The following NECTIN4 variants were observed in gnomAD, a reference collection of about 807,000 sequenced individuals.
NECTIN4 encodes the protein nectin cell adhesion molecule 4.
In NECTIN4, 19 loss-of-function variants were observed where a neutral mutation model predicts 51.7. The observed-to-expected ratio is 0.37, with a 90% CI of 0.26 to 0.54. NECTIN4 has a LOEUF of 0.54. NECTIN4 is among the 20% of genes least tolerant of loss of function. The pLI, the probability that NECTIN4 is intolerant of heterozygous loss-of-function variation, is 0.86. For missense variants in NECTIN4, 619 were observed against 662.4 expected (o/e 0.93, Z 0.72); for synonymous variants, 283 against 286.9 (o/e 0.99, Z 0.14).
At chr1:161,076,299 C>T in intron 4 of NECTIN4, 56 bp downstream of exon 4, 1 of 1,609,086 alleles carries the variant, frequency 6.2e-7, no homozygotes, top group Non-Finnish European at 8.5e-7. Flanking sequence ...TATCCTGGCC[C>T]TGAGAGGGGA....
chr1:161,084,184 T>C (rs1653822567), intron 1 of NECTIN4, among the ~76,000 whole-genome samples: 1 of 152,062 alleles, frequency 6.6e-6, no homozygotes, highest in African/African-American at 2.4e-5. Flanking sequence ...AACTGGTGGG[T>C]GTTTGGCACA....
At position 161,079,887 on chromosome 1, in the gene NECTIN4, C is replaced by T. The variant is rs746458699; in HGVS notation, c.142G>A (p.Ala48Thr). ...DVVTVVLGQD[A>T]KLPCFYRGDS... Reference sequence around the variant, plus strand: ...CCTCGGTAGAAGCAGGGCAGTTTTGCGTCCTGGCCCAGCACCACAGTTACC... The same window carrying T: ...CCTCGGTAGAAGCAGGGCAGTTTTGTGTCCTGGCCCAGCACCACAGTTACC... The change falls in exon 2 of 9, where the codon GCA (alanine) becomes ACA (threonine). Residue 48 changes from alanine (A) to threonine (T), a missense_variant. By Grantham distance (58) the Ala-to-Thr change is moderately conservative (BLOSUM62 0). Around this residue, in one of 3 missense-constraint regions of NECTIN4, gnomAD observed 218 missense variants for 186.3 expected, o/e 1.17. Coordinates refer to ENST00000368012, the MANE Select transcript of NECTIN4 (RefSeq NM_030916.3). The T allele has an allele frequency of 2.5e-6, 4 of 1,613,600 alleles. No homozygotes were observed. The highest frequency in any genetic ancestry group is 3.4e-6 in the Non-Finnish European group (4 of 1,179,798).
chr1:161,080,123 G>C (rs1653612689), intron 1 of NECTIN4, among the ~76,000 whole-genome samples, 174 bp from the exon 2 acceptor site: 1 of 152,190 alleles, frequency 6.6e-6, no homozygotes, highest in Admixed American at 6.5e-5. Context: ...CAAGAGGTAG[G>C]CGTTATTATC....
rs769041435 is a variant in NECTIN4 at position 161,077,526 on chromosome 1, C to T, written c.657G>A (p.Gln219=). 2 of 1,613,984 alleles carry T rather than the reference C, an allele frequency of 1.2e-6. No individual in the cohort carries two copies. The highest frequency in any genetic ancestry group is 2.2e-5 in the South Asian group (2 of 91,082). The stretch of plus-strand genomic sequence containing the variant: ...GATGGGACACCACACAAGTCAGTGG[C>T]TGCCCATTCATGCTGCGGCTAGGCA... ...HLVPSRSMNG[Q]PLTCVVSHPG... Residue 219 remains glutamine (Q), a synonymous_variant, in exon 3 of 9, where the codon CAG becomes CAA. Coordinates refer to ENST00000368012, the MANE Select transcript of NECTIN4 (RefSeq NM_030916.3).
chr1:161,088,700 A>T (rs1391033580), intron 1 of NECTIN4, among the ~76,000 whole-genome samples: 1 of 152,120 alleles, frequency 6.6e-6, no homozygotes, highest in Non-Finnish European at 1.5e-5. Flanking sequence ...GTGCTCTAGA[A>T]CATCATGGAG....
chr1:161,072,906 G>T, intron 8 of NECTIN4, 21 bp from the exon 9 acceptor site: 1 of 1,598,710 alleles, frequency 6.3e-7, no homozygotes, highest in Non-Finnish European at 8.5e-7. Flanking sequence ...AGGGCAAAGG[G>T]CAAGTCAGGA....
Position 161,089,206 on chromosome 1 carries a change from G to C in NECTIN4, c.79+12C>G, listed in dbSNP as rs760794900. On this transcript the variant is annotated intron_variant, in intron 1 of 8. Transcript: ENST00000368012. The surrounding 1 kb of genome is among the most constrained non-coding windows in gnomAD (Gnocchi z 4.1). ...CAGAAGCAAGTGTCCTGATGGTTCA[G>C]GCAAGTCCTACCTGTAAATGATGCC... 3.7e-6 allele frequency: 6 copies of C among 1,613,124 alleles called. No homozygotes were observed. The highest frequency in any genetic ancestry group is 5.1e-6 in the Non-Finnish European group (6 of 1,179,886).
chr1:161,083,085 A>G (rs985316713), intron 1 of NECTIN4, among the ~76,000 whole-genome samples: 20 of 152,132 alleles, frequency 1.3e-4, no homozygotes, highest in Admixed American at 4.6e-4. Flanking sequence ...TCAATCCTCC[A>G]TGTTCTCACC....
intron 6 of NECTIN4, 55 bp downstream of exon 6, chr1:161,074,162 T>A (rs1653307324): frequency 6.2e-7 from 1 of 1,609,680 alleles, no homozygotes; most frequent in Non-Finnish European, 8.5e-7. Context: ...CCTCCTGCTA[T>A]CCTCTTCTTT....
At chr1:161,087,537 A>T (rs1654003195) in intron 1 of NECTIN4, 1 of 150,936 alleles carries the variant, frequency 6.6e-6, no homozygotes, top group African/African-American at 2.4e-5. Context: ...ACTCAAATGT[A>T]CTATTCTTCA....
chr1:161,079,512 A>G, intron 2 of NECTIN4, 78 bp downstream of exon 2: 1 of 1,561,650 alleles, frequency 6.4e-7, no homozygotes, highest in East Asian at 2.3e-5. Flanking sequence ...CCTCTGCCCC[A>G]TCCATCTCTG....
At position 161,079,685 on chromosome 1, in the gene NECTIN4, C is replaced by A; in HGVS notation, c.344G>T (p.Arg115Leu). ...RNPLDGSVLLRNAVQADEGEY... is the reference protein window; with the variant it reads ...RNPLDGSVLLLNAVQADEGEY... Reference sequence around the variant, plus strand: ...GCCCTCATCCGCCTGCACTGCGTTGCGCAGGAGCACTGAGCCGTCCAGGGG... The same window carrying A: ...GCCCTCATCCGCCTGCACTGCGTTGAGCAGGAGCACTGAGCCGTCCAGGGG... The change falls in exon 2 of 9, where the codon CGC becomes CTC. Residue 115 changes from arginine to leucine, a missense_variant. Physicochemically the swap from Arg to Leu is moderately radical, Grantham distance 102. Transcript: ENST00000368012. 1.9e-6 allele frequency: 3 copies of A among 1,607,526 alleles called. No homozygotes were observed. The highest frequency in any genetic ancestry group is 1.1e-5 in the South Asian group (1 of 91,010).
Position 161,074,597 on chromosome 1 carries a change from G to A in NECTIN4, c.1000+14C>T, listed in dbSNP as rs1653327383. ...GCCCAGGTCCTTACCAAGGACTTCT[G>A]CTCCAGTGCTTACCAAGAACATCCA... On this transcript the variant is annotated intron_variant, in intron 5 of 8. Transcript: ENST00000368012. 3.1e-6 allele frequency: 5 copies of A among 1,614,164 alleles called. No individual in the cohort carries two copies. The highest frequency in any genetic ancestry group is 4.2e-6 in the Non-Finnish European group (5 of 1,179,980).
At chr1:161,088,956 C>A (rs1298632765) in intron 1 of NECTIN4, among the ~76,000 whole-genome samples, 1 of 152,046 alleles carries the variant, frequency 6.6e-6, no homozygotes, top group Non-Finnish European at 1.5e-5. Context: ...CAGGCCTAGG[C>A]AAGGCTTTGG....
At position 161,074,650 on chromosome 1, in the gene NECTIN4, A is replaced by G. The variant is rs763420738; in HGVS notation, c.961T>C (p.Phe321Leu). 3 of 1,614,244 alleles carry G rather than the reference A, an allele frequency of 1.9e-6. No homozygotes were observed. Among genetic ancestry groups the G allele is most frequent in the Non-Finnish European group, 2.5e-6 (3 of 1,180,050 alleles). The part of the protein sequence containing the change: ...GIYVCHVSNE[F>L]SSRDSQVTVD... ...GTGACCTGAGAATCCCTTGAGGAGA[A>G]CTCATTGCTGACATGGCAGACGTAG... The change falls in exon 5 of 9, where the codon TTC becomes CTC. Residue 321 changes from phenylalanine (F) to leucine (L), a missense_variant. Phe to Leu is a conservative substitution (Grantham distance 22, BLOSUM62 0). Transcript: ENST00000368012.
chr1:161,078,668 CG>C (rs1336022277), intron 2 of NECTIN4, among the ~76,000 whole-genome samples: 6 of 151,934 alleles, frequency 3.9e-5, no homozygotes, highest in African/African-American at 1.5e-4. Context: ...TTAACTTGAC[CG>C]TAAGTCCAGA....
chr1:161,081,414 G>A (rs1469338151), intron 1 of NECTIN4, among the ~76,000 whole-genome samples: 3 of 152,086 alleles, frequency 2.0e-5, no homozygotes, highest in African/African-American at 7.3e-5. Flanking sequence ...ACCAGAAAGA[G>A]AGATGAAGGA....
chr1:161,076,776 T>C (rs915777527), intron 3 of NECTIN4, among the ~76,000 whole-genome samples: 2 of 152,268 alleles, frequency 1.3e-5, no homozygotes, highest in African/African-American at 4.8e-5. Flanking sequence ...CCTAGCATAG[T>C]GCTAGTCATA....
Position 161,079,814 on chromosome 1 carries a change from G to C in NECTIN4, c.215C>G (p.Ala72Gly). 6.2e-7 allele frequency: 1 copy of C among 1,613,642 alleles called. No individual in the cohort carries two copies. Among genetic ancestry groups the C allele is most frequent in the Non-Finnish European group, 8.5e-7 (1 of 1,179,998 alleles). ...VGQVAWARVD[A>G]GEGAQELALL... Reference sequence around the variant, plus strand: ...CGCTAGTTCCTGGGCGCCTTCGCCCGCGTCCACCCGAGCCCATGCCACTTG... The same window carrying C: ...CGCTAGTTCCTGGGCGCCTTCGCCCCCGTCCACCCGAGCCCATGCCACTTG... Residue 72 changes from alanine (A) to glycine (G), a missense_variant, in exon 2 of 9, where the codon GCG (alanine) becomes GGG (glycine). Physicochemically the swap from Ala to Gly is moderately conservative, Grantham distance 60. Around this residue, in one of 3 missense-constraint regions of NECTIN4, gnomAD observed 218 missense variants for 186.3 expected, o/e 1.17. Transcript: ENST00000368012.
Sources: allele counts gnomAD v4.1 joint callset (sites outside exome capture counted in the v4.1 genomes callset), GRCh38; gene constraint gnomAD v4.1.1; regional missense constraint gnomAD v4.1.1; non-coding constraint Gnocchi (gnomAD v3.1); transcripts MANE v1.5; gene names NCBI Gene and HGNC (gene_info 2026-07-23, HGNC 2026-07-21).